GALNTL5: variants seen among roughly 807,000 people sequenced by gnomAD.
GALNTL5 encodes polypeptide N-acetylgalactosaminyltransferase like 5.
In GALNTL5, 44 loss-of-function variants were observed where a neutral mutation model predicts 51.0. That is an observed-to-expected ratio of 0.86 (90% CI 0.68 to 1.11). GALNTL5 has a LOEUF of 1.11. Among genes scored for constraint, GALNTL5 ranks in the 50% least tolerant of loss-of-function variants. GALNTL5 has a pLI of 0.00. For missense variants in GALNTL5, 528 were observed against 531.8 expected (o/e 0.99, Z 0.07); for synonymous variants, 192 against 182.8 (o/e 1.05, Z -0.41).
chr7:151,960,493 C>T (rs373289994), intron 1 of GALNTL5: 1 of 152,260 alleles, frequency 6.6e-6, no homozygotes, highest in East Asian at 1.9e-4. Flanking sequence ...AGGAAGAAGA[C>T]TATTCGACTA....
chr7:151,992,191 A>G (rs988042554), intron 5 of GALNTL5, among the ~76,000 whole-genome samples: 4 of 152,088 alleles, frequency 2.6e-5, no homozygotes, highest in African/African-American at 9.7e-5. Context: ...CCTGAAGGTA[A>G]TTTTCCTTCT....
intron 6 of GALNTL5, among the ~76,000 whole-genome samples, 160 bp downstream of exon 6, chr7:152,003,123 T>C (rs1586846285): frequency 6.6e-6 from 1 of 152,244 alleles, no homozygotes; most frequent in East Asian, 1.9e-4. Flanking sequence ...TTATTGTTAA[T>C]AGAATCACTT....
intron 1 of GALNTL5, among the ~76,000 whole-genome samples, chr7:151,965,503 A>G (rs2081048227): frequency 6.6e-6 from 1 of 152,122 alleles, no homozygotes. Context: ...TATCATGAGC[A>G]CTCTGTGTTC....
At chr7:151,962,775 AT>A (rs1370428065) in intron 1 of GALNTL5, among the ~76,000 whole-genome samples, 1 of 151,724 alleles carries the variant, frequency 6.6e-6, no homozygotes, top group Non-Finnish European at 1.5e-5. Flanking sequence ...TGCCCAGCTA[AT>A]TTTTCTATTT....
At chr7:151,972,016 G>A (rs2081150721) in intron 3 of GALNTL5, among the ~76,000 whole-genome samples, 1 of 152,164 alleles carries the variant, frequency 6.6e-6, no homozygotes, top group South Asian at 2.1e-4. Flanking sequence ...CAGAAAATAG[G>A]TACCAGGAGT....
At chr7:151,984,365 C>A (rs1372220323) in intron 4 of GALNTL5, among the ~76,000 whole-genome samples, 1 of 152,142 alleles carries the variant, frequency 6.6e-6, no homozygotes, top group African/African-American at 2.4e-5. Flanking sequence ...AAGTTTCAGG[C>A]TGAAAGTCAA....
At chr7:151,997,965 G>A (rs1033032822) in intron 5 of GALNTL5, among the ~76,000 whole-genome samples, 1 of 152,142 alleles carries the variant, frequency 6.6e-6, no homozygotes, top group Non-Finnish European at 1.5e-5. Flanking sequence ...GCTTTAGGAG[G>A]CCAAGGCAAG....
Position 152,019,740 on chromosome 7 carries a change from C to T in GALNTL5, c.1271C>T (p.Ser424Leu), listed in dbSNP as rs1245478806. The T allele has an allele frequency of 5.6e-6, 9 of 1,613,834 alleles. No homozygotes were observed. The highest frequency in any genetic ancestry group is 7.6e-6 in the Non-Finnish European group (9 of 1,179,888). ...TTAAGGAAACGACTGGGTTGCAAGT[C>T]ATTTCAGTGGTATTTGGATAATGTC... Reference protein sequence around the residue: ...VELRKRLGCKSFQWYLDNVFP... With the variant: ...VELRKRLGCKLFQWYLDNVFP... Residue 424 changes from serine to leucine, a missense_variant, in exon 9 of 9, where the codon TCA becomes TTA. Physicochemically the swap from Ser to Leu is moderately radical, Grantham distance 145. Transcript: ENST00000392800.
intron 7 of GALNTL5, among the ~76,000 whole-genome samples, chr7:152,010,323 G>A (rs2081714644): frequency 6.6e-6 from 1 of 152,058 alleles, no homozygotes; most frequent in African/African-American, 2.4e-5. Flanking sequence ...ATGTTGGCCA[G>A]GATGGTCTTG....
chr7:152,011,638 CT>C (rs1563026245), intron 7 of GALNTL5, among the ~76,000 whole-genome samples: 1 of 152,212 alleles, frequency 6.6e-6, no homozygotes, highest in African/African-American at 2.4e-5. Context: ...GCTAAATCTC[CT>C]TGGATGCTCT....
chr7:152,008,643 T>G (rs2151959572), intron 7 of GALNTL5, among the ~76,000 whole-genome samples: 1 of 152,240 alleles, frequency 6.6e-6, no homozygotes, highest in South Asian at 2.1e-4. Context: ...CTTCAGATAC[T>G]TGATTATGCA....
At chr7:151,956,671 C>T (rs986964658) in intron 1 of GALNTL5, 62 bp downstream of exon 1, 2 of 152,172 alleles carry the variant, frequency 1.3e-5, no homozygotes, top group African/African-American at 4.8e-5. Flanking sequence ...ACGTCTTTCA[C>T]TTTGAATCAG....
At chr7:152,014,881 C>T (rs2151962359) in intron 8 of GALNTL5, 88 bp downstream of exon 8, 1 of 1,279,666 alleles carries the variant, frequency 7.8e-7, no homozygotes, top group South Asian at 1.5e-5. Context: ...TTTCCAGATC[C>T]AGCGTTTGTT....
In GALNTL5 at chr7:151,959,419, T is replaced by A. The variant is rs190566597; in HGVS notation, c.-40+2810T>A. On this transcript the variant is annotated intron_variant, in intron 1 of 8. Coordinates refer to ENST00000392800, the MANE Select transcript of GALNTL5 (RefSeq NM_145292.4). ...TTTCCCTAGTTAGAAGTTGCCTTCTTCTCTTTATATATTTGATACTTTTAA... is the reference window on the plus strand; with the variant it reads ...TTTCCCTAGTTAGAAGTTGCCTTCTACTCTTTATATATTTGATACTTTTAA... Among the ~76,000 whole-genome samples the A allele has an allele frequency of 7.8e-4, 119 of 152,280 alleles. 1 individual carries two copies. Among genetic ancestry groups the A allele is most frequent in the Non-Finnish European group, 1.2e-4 (8 of 68,010 alleles).
Position 151,967,145 on chromosome 7 carries a change from A to G in GALNTL5, c.-39-63A>G, listed in dbSNP as rs539644213. On this transcript the variant is annotated intron_variant, in intron 1 of 8. Coordinates refer to ENST00000392800, the MANE Select transcript of GALNTL5 (RefSeq NM_145292.4). ...AACACTAAAAATGGAATTTAAGCCA[A>G]GTAGGTGATCTACAAACCATTGGAA... The G allele has an allele frequency of 3.0e-4, 317 of 1,051,458 alleles. 2 individuals are homozygous for G. In the East Asian group the frequency reaches 7.5e-3, roughly 25 times the overall value. The allele number at this position is 1,051,458 out of a possible 1,614,324, so 65.1% of individuals were successfully genotyped here.
chr7:151,991,892 G>T (rs2081432710), intron 5 of GALNTL5, among the ~76,000 whole-genome samples: 1 of 152,090 alleles, frequency 6.6e-6, no homozygotes. Flanking sequence ...ACATATTTTT[G>T]ATGATAAATG....
chr7:151,983,843 A>G (rs2081327762), intron 4 of GALNTL5, among the ~76,000 whole-genome samples: 1 of 152,212 alleles, frequency 6.6e-6, no homozygotes, highest in Non-Finnish European at 1.5e-5. Flanking sequence ...AGCTTGAAAT[A>G]CATGCTACCA....
At chr7:152,005,196 G>C (rs2081628437) in intron 6 of GALNTL5, among the ~76,000 whole-genome samples, 1 of 149,530 alleles carries the variant, frequency 6.7e-6, no homozygotes. Context: ...GACCAAAAAA[G>C]CTAGGTGCAA....
At chr7:151,999,798 C>G (rs1462265481) in intron 5 of GALNTL5, among the ~76,000 whole-genome samples, 2 of 152,120 alleles carry the variant, frequency 1.3e-5, no homozygotes, top group African/African-American at 4.8e-5. Flanking sequence ...AGTATGAAAA[C>G]ATATGTGTTA....
Sources: allele counts gnomAD v4.1 joint callset (sites outside exome capture counted in the v4.1 genomes callset), GRCh38; gene constraint gnomAD v4.1.1; transcripts MANE v1.5; gene names NCBI Gene and HGNC (gene_info 2026-07-23, HGNC 2026-07-21).